GPR158: variants seen among roughly 807,000 people sequenced by gnomAD.
GPR158 encodes metabotropic glycine receptor.
In GPR158, 30 loss-of-function variants were observed where a neutral mutation model predicts 78.2. The observed-to-expected ratio is 0.38, with a 90% CI of 0.29 to 0.52. The LOEUF (loss-of-function observed/expected upper bound fraction) is 0.52. Ranked by LOEUF, GPR158 falls within the 20% of genes least tolerant of loss-of-function variation. GPR158 has a pLI of 0.83. For synonymous variants in GPR158, 581 were observed against 591.1 expected, an observed-to-expected ratio of 0.98 and a Z score of 0.25; for missense variants, 1,463 against 1,523.5, an observed-to-expected ratio of 0.96 and a Z score of 0.66.
At chr10:25,270,759 T>G (rs1564407288) in intron 2 of GPR158, among the ~76,000 whole-genome samples, 1 of 152,212 alleles carries the variant, frequency 6.6e-6, no homozygotes, top group African/African-American at 2.4e-5. Context: ...TTTTGTCTAC[T>G]TGTCTTGATA....
chr10:25,541,579 G>A (rs957495749), intron 5 of GPR158, among the ~76,000 whole-genome samples: 2 of 148,878 alleles, frequency 1.3e-5, no homozygotes, highest in Non-Finnish European at 3.0e-5. Context: ...TATGTATGGT[G>A]TAAAGTAGAA....
At chr10:25,568,033 G>A (rs1438623147) in intron 6 of GPR158, among the ~76,000 whole-genome samples, 3 of 152,162 alleles carry the variant, frequency 2.0e-5, no homozygotes, top group South Asian at 4.1e-4. Flanking sequence ...AAAAATCAAA[G>A]TTTATTCCTA....
At chr10:25,192,933 T>C (rs778549518) in intron 1 of GPR158, among the ~76,000 whole-genome samples, 1 of 152,228 alleles carries the variant, frequency 6.6e-6, no homozygotes, top group Non-Finnish European at 1.5e-5. Flanking sequence ...TTTGCCCAAC[T>C]GTGGGCTAAT....
chr10:25,483,130 C>T (rs573646703), intron 5 of GPR158, among the ~76,000 whole-genome samples: 2 of 151,992 alleles, frequency 1.3e-5, no homozygotes, highest in African/African-American at 4.8e-5. Context: ...ATTTTCAACA[C>T]AGTAGCAAGA....
chr10:25,562,785 T>A (rs773964413), intron 6 of GPR158, among the ~76,000 whole-genome samples: 12 of 152,226 alleles, frequency 7.9e-5, no homozygotes, highest in African/African-American at 1.4e-4. Flanking sequence ...GTCTGTAAGG[T>A]CTAGTTGGCT....
intron 4 of GPR158, among the ~76,000 whole-genome samples, chr10:25,418,047 A>G (rs1773681): frequency 0.81 from 123,829 of 152,132 alleles, 51,436 homozygotes; most frequent in Non-Finnish European, 0.87. Flanking sequence ...AAAACCAATA[A>G]CAATGTCAAA....
At chr10:25,224,951 G>C (rs1295636522) in intron 2 of GPR158, among the ~76,000 whole-genome samples, 2 of 152,100 alleles carry the variant, frequency 1.3e-5, no homozygotes, top group Admixed American at 1.3e-4. Flanking sequence ...TTAAACTGTA[G>C]AGGTGTGTGA....
rs1837024398 is a variant in GPR158, at chr10:25,572,670, A to G, written c.1536A>G (p.Ser512=). Residue 512 remains serine, a synonymous_variant, in exon 7 of 11, where the codon TCA becomes TCG. Transcript: ENST00000376351. ...CTAGGGTTTTGAAGGTGTTTCTTTCACGAACGGCTCAACGAATTCCATATA... is the reference window on the plus strand; with the variant it reads ...CTAGGGTTTTGAAGGTGTTTCTTTCGCGAACGGCTCAACGAATTCCATATA... ...KLHRVLKVFL[S]RTAQRIPYMT... is the part of the protein sequence containing the mutation. 6.2e-7 allele frequency: 1 copy of G among 1,613,272 alleles called. No individual in the cohort carries two copies. Among genetic ancestry groups the G allele is most frequent in the East Asian group, 2.2e-5 (1 of 44,880 alleles).
intron 3 of GPR158, among the ~76,000 whole-genome samples, chr10:25,401,454 C>A (rs910813091): frequency 6.6e-6 from 1 of 151,940 alleles, no homozygotes; most frequent in South Asian, 2.1e-4. Context: ...ATGAAAAATG[C>A]GAATTGAACA....
intron 5 of GPR158, among the ~76,000 whole-genome samples, chr10:25,518,426 G>T (rs1260903247): frequency 2.1e-5 from 2 of 93,490 alleles, no homozygotes; most frequent in Non-Finnish European, 4.2e-5. Context: ...TTTTGAATGT[G>T]TTTGCTCTTG....
chr10:25,418,578 AATTT>A (rs1159063213), intron 4 of GPR158, among the ~76,000 whole-genome samples: 1 of 151,318 alleles, frequency 6.6e-6, no homozygotes, highest in Non-Finnish European at 1.5e-5. Context: ...AATATTTTTT[AATTT>A]ATTCTACATT....
intron 4 of GPR158, among the ~76,000 whole-genome samples, chr10:25,421,610 C>G (rs751809991): frequency 6.6e-4 from 100 of 152,092 alleles, no homozygotes; most frequent in South Asian, 1.0e-3. Context: ...ATGATACTTC[C>G]TTCAATTTTT....
At chr10:25,209,071 G>T (rs1440561221) in intron 1 of GPR158, among the ~76,000 whole-genome samples, 1 of 152,014 alleles carries the variant, frequency 6.6e-6, no homozygotes, top group Non-Finnish European at 1.5e-5. Flanking sequence ...GGCCAGGCTA[G>T]TCTTGAACTC....
chr10:25,284,314 G>A (rs1323721240), intron 2 of GPR158, among the ~76,000 whole-genome samples: 1 of 151,972 alleles, frequency 6.6e-6, no homozygotes, highest in Admixed American at 6.6e-5. Flanking sequence ...TTAGTTGCAT[G>A]TATATACAGA....
chr10:25,576,288 G>A (rs147559659), intron 7 of GPR158, among the ~76,000 whole-genome samples: 3 of 152,050 alleles, frequency 2.0e-5, no homozygotes, highest in Non-Finnish European at 2.9e-5. Flanking sequence ...TATAAATGAC[G>A]ATGTACGGGA....
At chr10:25,300,522 G>A (rs1474041729) in intron 2 of GPR158, among the ~76,000 whole-genome samples, 1 of 151,870 alleles carries the variant, frequency 6.6e-6, no homozygotes, top group Non-Finnish European at 1.5e-5. Flanking sequence ...TGGGTATTAG[G>A]GTGTGGGCAT....
chr10:25,547,556 T>G (rs909899758), intron 5 of GPR158, among the ~76,000 whole-genome samples: 1 of 152,158 alleles, frequency 6.6e-6, no homozygotes, highest in Non-Finnish European at 1.5e-5. Flanking sequence ...CCAGGATAAT[T>G]TCACTTGTTT....
intron 5 of GPR158, among the ~76,000 whole-genome samples, chr10:25,531,512 T>C (rs1448308727): frequency 6.6e-6 from 1 of 152,156 alleles, no homozygotes; most frequent in Non-Finnish European, 1.5e-5. Flanking sequence ...AGATATTTAT[T>C]TTCAGCCCTT....
At chr10:25,253,297 G>A (rs576526472) in intron 2 of GPR158, among the ~76,000 whole-genome samples, 1 of 152,290 alleles carries the variant, frequency 6.6e-6, no homozygotes, top group Admixed American at 6.5e-5. Flanking sequence ...GCTGGGAGCT[G>A]TAGACCGGAG....
Sources: allele counts gnomAD v4.1 joint callset (sites outside exome capture counted in the v4.1 genomes callset), GRCh38; gene constraint gnomAD v4.1.1; transcripts MANE v1.5; gene names NCBI Gene and HGNC (gene_info 2026-07-23, HGNC 2026-07-21).